Variants in VKORC1L1 observed in about 807,000 individuals in gnomAD.
VKORC1L1 encodes vitamin K epoxide reductase complex subunit 1-like protein 1.
VKORC1L1 carries 2 observed loss-of-function variants against 18.9 expected under a neutral mutation model. The observed-to-expected ratio is 0.11, with a 90% CI of 0.04 to 0.33. The LOEUF is 0.33. Ranked by LOEUF, VKORC1L1 falls within the 10% of genes least tolerant of loss-of-function variation. The pLI is 1.00. For synonymous variants in VKORC1L1, 96 were observed against 100.0 expected (o/e 0.96, Z 0.24); for missense variants, 123 against 224.1 (o/e 0.55, Z 2.88).
In VKORC1L1 at chr7:65,894,258, A is replaced by T. The variant is rs1006844029; in HGVS notation, c.194+20693A>T. Among the ~76,000 whole-genome samples, 19 of 146,638 alleles carry T rather than the reference A, an allele frequency of 1.3e-4. No homozygotes were observed. In the East Asian group the frequency reaches 1.8e-3, roughly 14 times the overall value. ...GCATGAGCCACTGCGCCCAGCCAAA[A>T]TTTTTTTTTTTTAATCTACACCTGC... On this transcript the variant is annotated intron_variant, in intron 1 of 2. Transcript: ENST00000360768.
intron 1 of VKORC1L1, among the ~76,000 whole-genome samples, chr7:65,903,345 T>G (rs927632402): frequency 4.3e-4 from 66 of 151,758 alleles, no homozygotes; most frequent in Admixed American, 1.2e-3. Flanking sequence ...TTTTTTATTT[T>G]TAGTAGAGAC....
rs899804086 is a variant in VKORC1L1, at chr7:65,895,894, C to CTTTTTTT, written c.194+22345_194+22351dup. ...AGAGAACTATCTTGCTATCTCACTTCTTTTTTTTTTTTTTTTTTTTTTGAG... is the reference window on the plus strand; with the variant it reads ...AGAGAACTATCTTGCTATCTCACTTCTTTTTTTTTTTTTTTTTTTTTTTTTTTTTGAG... On this transcript the variant is annotated intron_variant, in intron 1 of 2. Coordinates refer to ENST00000360768, the MANE Select transcript of VKORC1L1 (RefSeq NM_173517.6). Among the ~76,000 whole-genome samples the CTTTTTTT allele has an allele frequency of 2.9e-4, 33 of 113,274 alleles. 3 individuals are homozygous for CTTTTTTT. Among genetic ancestry groups the CTTTTTTT allele is most frequent in the African/African-American group, 1.0e-3 (29 of 28,262 alleles). 74.3% of individuals were successfully genotyped at this position (113,274 alleles called of 152,430 possible).
chr7:65,933,793 A>G (rs1464437247), intron 1 of VKORC1L1, among the ~76,000 whole-genome samples: 1 of 151,930 alleles, frequency 6.6e-6, no homozygotes, highest in African/African-American at 2.4e-5. Flanking sequence ...TATTTTATCT[A>G]TTGACTTTTT....
intron 1 of VKORC1L1, among the ~76,000 whole-genome samples, chr7:65,928,952 C>T (rs1011049847): frequency 3.9e-5 from 6 of 152,116 alleles, no homozygotes; most frequent in Non-Finnish European, 8.8e-5. Flanking sequence ...AGTGGTGTAT[C>T]ATTGGGATTC....
At chr7:65,938,692 G>C in intron 1 of VKORC1L1, among the ~76,000 whole-genome samples, 1 of 152,186 alleles carries the variant, frequency 6.6e-6, no homozygotes, top group Non-Finnish European at 1.5e-5. Flanking sequence ...GGGATTTGTG[G>C]CCTTCAGTGC....
chr7:65,895,470 AAAAAAAAAAAATATATATATAT>A (rs1380535057), intron 1 of VKORC1L1, among the ~76,000 whole-genome samples: 9 of 54,320 alleles, frequency 1.7e-4, no homozygotes, highest in Non-Finnish European at 1.6e-4. Flanking sequence ...AAAAAAAAAA[AAAAAAAAAAAATATATATATAT>A]ATATATATAT....
At chr7:65,872,430 A>T (rs1406529282), upstream of VKORC1L1, among the ~76,000 whole-genome samples, 1 of 151,708 alleles carries the variant, frequency 6.6e-6, no homozygotes, top group Non-Finnish European at 1.5e-5. Flanking sequence ...CTCATGCCTC[A>T]GTCTCCCGAG....
chr7:65,899,254 G>C (rs1233643505), intron 1 of VKORC1L1, among the ~76,000 whole-genome samples: 5 of 152,156 alleles, frequency 3.3e-5, no homozygotes, highest in African/African-American at 1.2e-4. Context: ...TCTTGACTCT[G>C]TTCAACAGTT....
chr7:65,932,965 C>T (rs1175097856), intron 1 of VKORC1L1, among the ~76,000 whole-genome samples: 2 of 151,658 alleles, frequency 1.3e-5, no homozygotes, highest in African/African-American at 4.9e-5. Flanking sequence ...GTAATCCCAG[C>T]TACTCGGGAG....
rs989383717 is a variant in VKORC1L1 at position 65,958,755 on chromosome 7, T to C, written c.*4455T>C. ...TCAGACCTCTAGTTCTTGGAATTCC[T>C]GTAGGTTTACGGTGTATGTGATTGT... On this transcript the variant is annotated 3_prime_UTR_variant, in exon 3 of 3. Coordinates refer to ENST00000360768, the MANE Select transcript of VKORC1L1 (RefSeq NM_173517.6). 2.0e-5 allele frequency: 3 copies of C among 152,250 alleles called. No individual in the cohort carries two copies. Among genetic ancestry groups the C allele is most frequent in the Non-Finnish European group, 4.4e-5 (3 of 68,046 alleles). 9.4% of individuals were successfully genotyped at this position (152,250 alleles called of 1,614,324 possible).
At chr7:65,886,320 C>G (rs1789010088) in intron 1 of VKORC1L1, among the ~76,000 whole-genome samples, 1 of 152,048 alleles carries the variant, frequency 6.6e-6, no homozygotes, top group Non-Finnish European at 1.5e-5. Context: ...GTACTTAACT[C>G]TTATTGTTAG....
chr7:65,890,383 G>A (rs1789092689), intron 1 of VKORC1L1, among the ~76,000 whole-genome samples: 1 of 151,968 alleles, frequency 6.6e-6, no homozygotes, highest in Admixed American at 6.6e-5. Context: ...CGCCTGCCTC[G>A]GCCTCCCAAA....
rs576235267 is a variant in VKORC1L1, at chr7:65,955,252, A to T, written c.*952A>T. The stretch of plus-strand genomic sequence containing the variant: ...ATTTTCATGCAGATATTTTTCCTTA[A>T]CGTTGGTGCCAGTCAAGCAAAGAGT... On this transcript the variant is annotated 3_prime_UTR_variant, in exon 3 of 3. Coordinates refer to ENST00000360768, the MANE Select transcript of VKORC1L1 (RefSeq NM_173517.6). The T allele has an allele frequency of 6.6e-6, 1 of 152,332 alleles. No individual in the cohort carries two copies. Among genetic ancestry groups the T allele is most frequent in the South Asian group, 2.1e-4 (1 of 4,826 alleles). The allele number at this position is 152,332 out of a possible 1,614,324, so 9.4% of individuals were successfully genotyped here. A position where few individuals can be genotyped will look rare whatever the true frequency, so the allele number is the denominator to read the frequency against.
chr7:65,953,801 G>A (rs1359377963), intron 2 of VKORC1L1, among the ~76,000 whole-genome samples: 1 of 152,190 alleles, frequency 6.6e-6, no homozygotes, highest in Non-Finnish European at 1.5e-5. Flanking sequence ...AGGAGGTAGA[G>A]GTTGCATGAG....
In VKORC1L1 at chr7:65,875,660, G is replaced by A. The variant is rs1015737676; in HGVS notation, c.194+2095G>A. On this transcript the variant is annotated intron_variant, in intron 1 of 2. Coordinates refer to ENST00000360768, the MANE Select transcript of VKORC1L1 (RefSeq NM_173517.6). ...TCTCGATCTCCTGACCTCGTGATCCGCCCTCCTCGGCCTCCCAAAGTGCTG... is the reference window on the plus strand; with the variant it reads ...TCTCGATCTCCTGACCTCGTGATCCACCCTCCTCGGCCTCCCAAAGTGCTG... 3.3e-5 allele frequency among the ~76,000 whole-genome samples: 5 copies of A among 150,810 alleles called. No homozygotes were observed. In the South Asian group the frequency reaches 6.5e-4, roughly 20 times the overall value.
In VKORC1L1 at chr7:65,873,123, C is replaced by G. The variant is rs1788751945; in HGVS notation, c.-249C>G. On this transcript the variant is annotated 5_prime_UTR_variant, in exon 1 of 3. Coordinates refer to ENST00000360768, the MANE Select transcript of VKORC1L1 (RefSeq NM_173517.6). ...CTTCGGCCGTTGCGCACTCCACCCC[C>G]TCCCTCCGCGCCCGCGCGCGCCTTC... 2 of 252,252 alleles carry G rather than the reference C, an allele frequency of 7.9e-6. No individual in the cohort carries two copies. Among genetic ancestry groups the G allele is most frequent in the South Asian group, 1.3e-4 (1 of 7,458 alleles). 15.6% of individuals were successfully genotyped at this position (252,252 alleles called of 1,614,324 possible).
intron 1 of VKORC1L1, among the ~76,000 whole-genome samples, chr7:65,885,221 C>A (rs1381790573): frequency 3.9e-5 from 6 of 151,950 alleles, no homozygotes; most frequent in Non-Finnish European, 8.8e-5. Context: ...ATACCTTTGC[C>A]CATTTTTTCC....
At chr7:65,890,555 C>T (rs994928667) in intron 1 of VKORC1L1, among the ~76,000 whole-genome samples, 1 of 152,220 alleles carries the variant, frequency 6.6e-6, no homozygotes, top group Non-Finnish European at 1.5e-5. Context: ...AGACGTGAGC[C>T]ACCACATCCA....
intron 1 of VKORC1L1, among the ~76,000 whole-genome samples, chr7:65,886,693 A>G (rs893538992): frequency 4.0e-5 from 6 of 151,766 alleles, no homozygotes; most frequent in African/African-American, 1.5e-4. Context: ...GCCTGCCACC[A>G]TGCCCGGCTA....
Sources: gnomAD v4.1 joint callset for allele counts (sites outside exome capture counted in the v4.1 genomes callset) on GRCh38, gnomAD v4.1.1 for gene constraint, MANE v1.5 for transcripts, NCBI Gene and HGNC (gene_info 2026-07-23, HGNC 2026-07-21) for gene names.